RBFOX1: variants seen among roughly 807,000 people sequenced by gnomAD.
RBFOX1 encodes RNA binding fox-1 homolog 1.
RBFOX1 carries 8 observed loss-of-function variants against 57.7 expected under a neutral mutation model. The observed-to-expected ratio is 0.14, with a 90% CI of 0.08 to 0.25. RBFOX1 has a LOEUF of 0.25. Among genes scored for constraint, RBFOX1 ranks in the 10% least tolerant of loss-of-function variants. RBFOX1 has a pLI of 1.00. For synonymous variants in RBFOX1, 326 were observed against 222.4 expected, an observed-to-expected ratio of 1.47 and a Z score of -4.15; for missense variants, 611 against 548.5, an observed-to-expected ratio of 1.11 and a Z score of -1.14.
At chr16:6,266,135 A>G (rs1251337888) in intron 1 of RBFOX1, among the ~76,000 whole-genome samples, 3 of 152,202 alleles carry the variant, frequency 2.0e-5, no homozygotes, top group Non-Finnish European at 4.4e-5. Flanking sequence ...ATCTGACTCA[A>G]CTTATTCTCT....
At chr16:6,411,420 G>A (rs557028038) in intron 2 of RBFOX1, among the ~76,000 whole-genome samples, 3 of 152,284 alleles carry the variant, frequency 2.0e-5, no homozygotes, top group South Asian at 2.1e-4. Context: ...ACATGCCTTT[G>A]TTGTTGATTC....
At chr16:6,045,952 G>GATC (rs2095491018) in intron 1 of RBFOX1, among the ~76,000 whole-genome samples, 1 of 152,198 alleles carries the variant, frequency 6.6e-6, no homozygotes, top group Non-Finnish European at 1.5e-5. Context: ...ACAGAGAAGG[G>GATC]ATCAGTGTAG....
chr16:5,569,438 CTTTTTTTTTTTTTTTTTTT>C (rs796279138), intron 2 of RBFOX1, among the ~76,000 whole-genome samples: 1 of 49,180 alleles, frequency 2.0e-5, no homozygotes, highest in Non-Finnish European at 4.0e-5. Flanking sequence ...AAGAAGTAAC[CTTTTTTTTTTTTTTTTTTT>C]TTTTTTTTTT....
At chr16:5,512,281 G>T (rs2043622221) in intron 2 of RBFOX1, among the ~76,000 whole-genome samples, 1 of 152,084 alleles carries the variant, frequency 6.6e-6, no homozygotes, top group Non-Finnish European at 1.5e-5. Flanking sequence ...CACTGGAGGT[G>T]GCCAATTTCA....
intron 12 of RBFOX1, among the ~76,000 whole-genome samples, chr16:7,656,461 T>TC (rs1300885730): frequency 6.6e-6 from 1 of 151,656 alleles, no homozygotes; most frequent in Non-Finnish European, 1.5e-5. Flanking sequence ...AGAACCCCTA[T>TC]CTTGTGTTCA....
rs151334465 is a variant in RBFOX1 at position 7,207,490 on chromosome 16, C to G, written c.27+155392C>G. The stretch of plus-strand genomic sequence containing the variant: ...TCCAGTGCAACCCCCGGACTGGCCC[C>G]TAGCACAGTGCCTGCTACATAATAG... On this transcript the variant is annotated intron_variant, in intron 4 of 15. Coordinates refer to ENST00000550418, the MANE Select transcript of RBFOX1 (RefSeq NM_018723.4). 3.3e-5 allele frequency among the ~76,000 whole-genome samples: 5 copies of G among 152,266 alleles called. No individual in the cohort carries two copies. In the East Asian group the frequency reaches 7.7e-4, roughly 24 times the overall value.
chr16:6,676,768 C>A, intron 3 of RBFOX1, among the ~76,000 whole-genome samples: 1 of 150,332 alleles, frequency 6.7e-6, no homozygotes. Flanking sequence ...CTTTGCCTCC[C>A]AGGTTGAAGC....
chr16:7,639,369 C>T (rs375889459), intron 11 of RBFOX1, among the ~76,000 whole-genome samples: 199 of 152,330 alleles, frequency 1.3e-3, no homozygotes, highest in East Asian at 4.4e-3. Flanking sequence ...TTCAGCATTA[C>T]GGTGGCAGCC....
chr16:7,356,950 G>C (rs1434071239), intron 4 of RBFOX1, among the ~76,000 whole-genome samples: 1 of 152,158 alleles, frequency 6.6e-6, no homozygotes, highest in East Asian at 1.9e-4. Context: ...AAGTCTTGTT[G>C]CCTCTAGTTT....
At chr16:6,630,279 C>T (rs547781967) in intron 2 of RBFOX1, among the ~76,000 whole-genome samples, 7 of 152,176 alleles carry the variant, frequency 4.6e-5, no homozygotes, top group African/African-American at 1.7e-4. Context: ...TCTGCCCACA[C>T]CCAAGGAATG....
upstream of RBFOX1, among the ~76,000 whole-genome samples, chr16:6,016,327 C>T (rs1454563728): frequency 6.6e-6 from 1 of 152,134 alleles, no homozygotes; most frequent in Non-Finnish European, 1.5e-5. Flanking sequence ...GATCTAAAAA[C>T]TAAACAGAAG....
intron 1 of RBFOX1, among the ~76,000 whole-genome samples, chr16:6,039,347 GAAAAAAAA>G (rs58081772): frequency 7.3e-6 from 1 of 136,304 alleles, no homozygotes; most frequent in East Asian, 2.2e-4. Flanking sequence ...CTGCTTTCTG[GAAAAAAAA>G]AAAAAAAAAA....
chr16:7,234,882 A>G (rs1230328844), intron 4 of RBFOX1, among the ~76,000 whole-genome samples: 2 of 152,116 alleles, frequency 1.3e-5, no homozygotes, highest in Admixed American at 6.6e-5. Flanking sequence ...TGTATGTCCC[A>G]TAAGAATTAT....
intron 4 of RBFOX1, among the ~76,000 whole-genome samples, chr16:5,909,184 C>G (rs113107664): frequency 6.6e-6 from 1 of 150,584 alleles, no homozygotes; most frequent in East Asian, 2.0e-4. Context: ...GCTCCGCCTC[C>G]CGGGTTCACG....
intron 3 of RBFOX1, among the ~76,000 whole-genome samples, chr16:5,738,814 A>C (rs1278587262): frequency 6.6e-6 from 1 of 152,156 alleles, no homozygotes; most frequent in Non-Finnish European, 1.5e-5. Context: ...TGGAATGCCA[A>C]ACATTAGCTT....
intron 4 of RBFOX1, among the ~76,000 whole-genome samples, chr16:7,069,558 G>T (rs1013444058): frequency 6.6e-6 from 1 of 152,140 alleles, no homozygotes; most frequent in South Asian, 2.1e-4. Flanking sequence ...CTTCATAAGG[G>T]CTATTTTTCT....
At chr16:6,000,602 A>G (rs79281581) in intron 4 of RBFOX1, among the ~76,000 whole-genome samples, 3,613 of 152,230 alleles carry the variant, frequency 0.024, 153 homozygotes, top group African/African-American at 0.081. Flanking sequence ...GCCAGGAAAT[A>G]GAATTACTTA....
At chr16:6,835,129 C>T (rs918986429) in intron 3 of RBFOX1, among the ~76,000 whole-genome samples, 1 of 152,014 alleles carries the variant, frequency 6.6e-6, no homozygotes, top group Non-Finnish European at 1.5e-5. Context: ...TCTCAATCTC[C>T]TGACCCTGTG....
chr16:7,556,637 A>G (rs2088585986), intron 5 of RBFOX1, among the ~76,000 whole-genome samples: 1 of 152,128 alleles, frequency 6.6e-6, no homozygotes. Flanking sequence ...GTGGAAAGGC[A>G]CTGGTTCAGT....
Sources: allele counts gnomAD v4.1 joint callset (sites outside exome capture counted in the v4.1 genomes callset), GRCh38; gene constraint gnomAD v4.1.1; transcripts MANE v1.5; gene names NCBI Gene and HGNC (gene_info 2026-07-23, HGNC 2026-07-21).